Variants in EZR observed in about 807,000 individuals in gnomAD.
EZR encodes the protein cytovillin 2.
EZR carries 40 observed loss-of-function variants against 74.8 expected under a neutral mutation model. The observed-to-expected ratio is 0.53, with a 90% CI of 0.42 to 0.70. The LOEUF (loss-of-function observed/expected upper bound fraction) is 0.70. EZR is among the 30% of genes least tolerant of loss of function. The pLI is 0.00. For synonymous variants in EZR, 341 were observed against 283.3 expected, an observed-to-expected ratio of 1.20 and a Z score of -2.05; for missense variants, 678 against 755.8, an observed-to-expected ratio of 0.90 and a Z score of 1.21.
chr6:158,800,622 G>A (rs1418265662), intron 2 of EZR, among the ~76,000 whole-genome samples: 2 of 152,152 alleles, frequency 1.3e-5, no homozygotes, highest in East Asian at 1.9e-4. Context: ...CCAACATGGC[G>A]AAACCCCATC....
chr6:158,805,694 TAAATTA>T (rs1777322177), intron 2 of EZR, among the ~76,000 whole-genome samples: 2 of 152,334 alleles, frequency 1.3e-5, no homozygotes, highest in African/African-American at 4.8e-5. Context: ...GAAATTATAC[TAAATTA>T]AAATTAAAAA....
Position 158,803,616 on chromosome 6 carries a change from T to C in EZR, c.13-14245A>G, listed in dbSNP as rs370421252. ...ATATATATATATATACATATATATA[T>C]ATATATATACATATACATACATATA... On this transcript the variant is annotated intron_variant, in intron 2 of 13. Transcript: ENST00000367075. Among the ~76,000 whole-genome samples, 71 of 16,782 alleles carry C rather than the reference T, an allele frequency of 4.2e-3. 3 individuals are homozygous for C. The highest frequency in any genetic ancestry group is 0.012 in the African/African-American group (39 of 3,344). 11.0% of individuals were successfully genotyped at this position (16,782 alleles called of 152,430 possible).
intron 2 of EZR, 198 bp downstream of exon 2, chr6:158,817,884 C>T (rs1351047172): frequency 2.2e-6 from 1 of 458,334 alleles, no homozygotes; most frequent in Non-Finnish European, 3.9e-6. Flanking sequence ...AGAAAAGCAT[C>T]AAAATGGTGT....
rs1790769080 is a variant in EZR, at chr6:158,766,014, T to A, written c.*900A>T. Reference sequence around the variant, plus strand: ...CTGACAAAATTAAAAGTGTGCATAGTCCATTACATGCATAAAACACTAATA... The same window carrying A: ...CTGACAAAATTAAAAGTGTGCATAGACCATTACATGCATAAAACACTAATA... On this transcript the variant is annotated 3_prime_UTR_variant, in exon 14 of 14. Transcript: ENST00000367075. 1 of 152,616 alleles carries A rather than the reference T, an allele frequency of 6.6e-6. No individual in the cohort carries two copies. The highest frequency in any genetic ancestry group is 2.4e-5 in the African/African-American group (1 of 41,442). The allele number at this position is 152,616 out of a possible 1,614,324, so 9.5% of individuals were successfully genotyped here. A position where few individuals can be genotyped will look rare whatever the true frequency, so the allele number is the denominator to read the frequency against.
chr6:158,773,444 G>T (rs893351050), intron 8 of EZR, among the ~76,000 whole-genome samples: 7 of 152,226 alleles, frequency 4.6e-5, no homozygotes, highest in African/African-American at 1.7e-4. Context: ...TCCCTAACCT[G>T]ATGCAGGATG....
intron 8 of EZR, among the ~76,000 whole-genome samples, chr6:158,773,963 G>T (rs930073371): frequency 6.6e-6 from 1 of 152,216 alleles, no homozygotes; most frequent in Non-Finnish European, 1.5e-5. Context: ...GCCCCAAACT[G>T]CTGTATGCAC....
At chr6:158,802,331 C>T (rs570699922) in intron 2 of EZR, among the ~76,000 whole-genome samples, 30 of 152,266 alleles carry the variant, frequency 2.0e-4, no homozygotes, top group African/African-American at 2.4e-4. Flanking sequence ...AAAAGGCTTT[C>T]GGTACAGTCA....
intron 2 of EZR, among the ~76,000 whole-genome samples, chr6:158,805,362 AG>A (rs1777315255): frequency 2.9e-5 from 4 of 138,368 alleles, no homozygotes; most frequent in Non-Finnish European, 6.3e-5. Context: ...AAAAAAAAAA[AG>A]GTCGAAAAAT....
rs1412511564 is a variant in EZR, at chr6:158,766,238, ATAG to A, written c.*673_*675del. On this transcript the variant is annotated 3_prime_UTR_variant, in exon 14 of 14. Coordinates refer to ENST00000367075, the MANE Select transcript of EZR (RefSeq NM_001111077.2). The stretch of plus-strand genomic sequence containing the variant: ...AATCTGTATTATCACTTGTATATAA[ATAG>A]TATATAGCTGATCATTAATAAGGTG... The A allele has an allele frequency of 1.3e-5, 2 of 152,372 alleles. No individual in the cohort carries two copies. Among genetic ancestry groups the A allele is most frequent in the African/African-American group, 4.8e-5 (2 of 41,374 alleles). The allele number at this position is 152,372 out of a possible 1,614,324, so 9.4% of individuals were successfully genotyped here.
intron 2 of EZR, among the ~76,000 whole-genome samples, chr6:158,817,111 C>A (rs1265335591): frequency 6.6e-6 from 1 of 152,046 alleles, no homozygotes; most frequent in Non-Finnish European, 1.5e-5. Flanking sequence ...GGCACACAAG[C>A]ATTGATTACA....
At chr6:158,783,420 T>C in intron 7 of EZR, 100 bp downstream of exon 7, 1 of 979,180 alleles carries the variant, frequency 1.0e-6, no homozygotes, top group African/African-American at 2.3e-5. Flanking sequence ...AGTAAGTTGC[T>C]AAATAAATAC....
At chr6:158,776,587 T>C (rs1166075675) in intron 7 of EZR, 83 bp from the exon 8 acceptor site, 8 of 938,350 alleles carry the variant, frequency 8.5e-6, no homozygotes, top group Non-Finnish European at 1.1e-5. Flanking sequence ...AATCAATTCT[T>C]ATTAGTTCAA....
Position 158,767,483 on chromosome 6 carries a change from C to A in EZR, c.1374G>T (p.Lys458Asn). 1 of 1,603,854 alleles carries A rather than the reference C, an allele frequency of 6.2e-7. No individual in the cohort carries two copies. Among genetic ancestry groups the A allele is most frequent in the South Asian group, 1.1e-5 (1 of 90,118 alleles). ...RAKEAQDDLV[K>N]TKEELHLVMT... ...TCACCAGGTGCAGCTCCTCCTTGGT[C>A]TTCACCAGGTCATCCTGGGCTTCTT... Residue 458 changes from lysine (K) to asparagine (N), a missense_variant, in exon 13 of 14, where the codon AAG (lysine) becomes AAT (asparagine). Coordinates refer to ENST00000367075, the MANE Select transcript of EZR (RefSeq NM_001111077.2).
At chr6:158,803,795 T>A (rs1483476375) in intron 2 of EZR, among the ~76,000 whole-genome samples, 1 of 151,198 alleles carries the variant, frequency 6.6e-6, no homozygotes, top group Admixed American at 6.6e-5. Context: ...TAGACCCACA[T>A]CCTGTCAGAC....
Position 158,792,814 on chromosome 6 carries a change from C to CAAAAA in EZR, c.13-3448_13-3444dup, listed in dbSNP as rs571823556. On this transcript the variant is annotated intron_variant, in intron 2 of 13. Coordinates refer to ENST00000367075, the MANE Select transcript of EZR (RefSeq NM_001111077.2). ...TGGGCAACAGGGCAAGACTCCATCT[C>CAAAAA]AAAAAAAAAAAAAAGTAAGCTACTG... Among the ~76,000 whole-genome samples the CAAAAA allele has an allele frequency of 6.1e-5, 8 of 131,296 alleles. No homozygotes were observed. The East Asian group carries it at 7.2e-4, about 12-fold the overall frequency. 86.1% of individuals were successfully genotyped at this position (131,296 alleles called of 152,430 possible). A position where few individuals can be genotyped will look rare whatever the true frequency, so the allele number is the denominator to read the frequency against.
intron 2 of EZR, among the ~76,000 whole-genome samples, chr6:158,795,631 T>A (rs1181765448): frequency 6.6e-6 from 1 of 152,192 alleles, no homozygotes; most frequent in Non-Finnish European, 1.5e-5. Context: ...ATGGGCACTG[T>A]GAGTACAGAG....
At chr6:158,790,901 A>C (rs1397799755) in intron 2 of EZR, among the ~76,000 whole-genome samples, 3 of 152,228 alleles carry the variant, frequency 2.0e-5, no homozygotes, top group Non-Finnish European at 4.4e-5. Flanking sequence ...TTTCAAGTGA[A>C]ATATACAGAA....
chr6:158,795,678 A>G (rs1159674192), intron 2 of EZR, among the ~76,000 whole-genome samples: 2 of 152,202 alleles, frequency 1.3e-5, no homozygotes, highest in Non-Finnish European at 2.9e-5. Flanking sequence ...TGGCTTACAC[A>G]TTAATGAAGA....
chr6:158,811,793 G>A (rs188466390), intron 2 of EZR, among the ~76,000 whole-genome samples: 1 of 152,082 alleles, frequency 6.6e-6, no homozygotes, highest in East Asian at 1.9e-4. Flanking sequence ...AGCCAAGGGT[G>A]GGGGCCGGGG....
Sources: allele counts gnomAD v4.1 joint callset (sites outside exome capture counted in the v4.1 genomes callset), GRCh38; gene constraint gnomAD v4.1.1; transcripts MANE v1.5; gene names NCBI Gene and HGNC (gene_info 2026-07-23, HGNC 2026-07-21).